PCSK5: variants seen among roughly 807,000 people sequenced by gnomAD.
PCSK5 encodes the protein prohormone convertase 5.
A neutral mutation model predicts 233.2 loss-of-function variants in PCSK5; 129 were observed. The ratio of observed to expected loss-of-function variants is 0.55; its 90% CI spans 0.48 to 0.64. PCSK5 has a LOEUF of 0.64. PCSK5 is among the 30% of genes least tolerant of loss of function. The pLI, the probability that PCSK5 is intolerant of heterozygous loss-of-function variation, is 0.00. For missense variants in PCSK5, 2,076 were observed against 2,430.1 expected, an observed-to-expected ratio of 0.85 and a Z score of 3.06; for synonymous variants, 825 against 879.2, an observed-to-expected ratio of 0.94 and a Z score of 1.09.
chr9:76,202,561 C>T (rs1303478286), intron 20 of PCSK5, among the ~76,000 whole-genome samples: 1 of 152,214 alleles, frequency 6.6e-6, no homozygotes. Context: ...TTCTCTTCTT[C>T]CCCAAGTATT....
In PCSK5 at chr9:76,107,285, A is replaced by G. The variant is rs759017812; in HGVS notation, c.1142A>G (p.Asn381Ser). The G allele has an allele frequency of 4.3e-6, 7 of 1,613,832 alleles. No individual in the cohort carries two copies. In the South Asian group the frequency reaches 5.5e-5, roughly 13 times the overall value. ...GATCTGAGGCAGCGTTGCACGGACA[A>G]CCACACTGGGACGTCAGCCTCAGCC... Reference protein sequence around the residue: ...TTDLRQRCTDNHTGTSASAPM... With the variant: ...TTDLRQRCTDSHTGTSASAPM... Residue 381 changes from asparagine to serine, a missense_variant, in exon 9 of 38, where the codon AAC becomes AGC. Coordinates refer to ENST00000674117, the MANE Select transcript of PCSK5 (RefSeq NM_001372043.1).
intron 20 of PCSK5, among the ~76,000 whole-genome samples, chr9:76,207,394 G>A (rs930414958): frequency 4.6e-5 from 7 of 152,118 alleles, no homozygotes; most frequent in African/African-American, 1.4e-4. Context: ...ATTACCATGT[G>A]GTACACACTA....
At chr9:76,238,733 A>G (rs1379221771) in intron 22 of PCSK5, among the ~76,000 whole-genome samples, 1 of 152,220 alleles carries the variant, frequency 6.6e-6, no homozygotes, top group Non-Finnish European at 1.5e-5. Context: ...GTCGCTGTTC[A>G]CTGAAATATA....
At chr9:76,179,140 GTATTCAGTAGC>G (rs1437889608) in intron 14 of PCSK5, among the ~76,000 whole-genome samples, 1 of 152,150 alleles carries the variant, frequency 6.6e-6, no homozygotes, top group Non-Finnish European at 1.5e-5. Flanking sequence ...TATTTCAGAG[GTATTCAGTAGC>G]TTTAATGAGA....
chr9:76,282,576 C>T (rs1409077422), intron 24 of PCSK5, among the ~76,000 whole-genome samples: 3 of 152,034 alleles, frequency 2.0e-5, no homozygotes, highest in African/African-American at 7.3e-5. Flanking sequence ...TCTCAGCCTC[C>T]CAAAGTGTTG....
chr9:76,024,067 C>CT (rs1828316041), intron 4 of PCSK5, among the ~76,000 whole-genome samples, 186 bp downstream of exon 4: 3 of 152,204 alleles, frequency 2.0e-5, no homozygotes, highest in African/African-American at 7.2e-5. Context: ...ACCCTTTCAA[C>CT]TTTCCAGTGC....
intron 24 of PCSK5, among the ~76,000 whole-genome samples, chr9:76,246,361 A>C (rs1350564914): frequency 6.7e-6 from 1 of 150,156 alleles, no homozygotes; most frequent in Non-Finnish European, 1.5e-5. Flanking sequence ...AAAAAAAAAA[A>C]AAAAAACTAC....
At chr9:76,012,302 C>T (rs115862246) in intron 3 of PCSK5, among the ~76,000 whole-genome samples, 3 of 152,122 alleles carry the variant, frequency 2.0e-5, no homozygotes, top group Admixed American at 1.3e-4. Context: ...ATAACTAAAT[C>T]GTACACATCA....
intron 1 of PCSK5, among the ~76,000 whole-genome samples, chr9:75,923,974 G>C (rs1175787347): frequency 1.3e-5 from 2 of 151,930 alleles, no homozygotes; most frequent in Non-Finnish European, 2.9e-5. Flanking sequence ...TCTAATTGCT[G>C]CTTCCTCTTT....
intron 2 of PCSK5, among the ~76,000 whole-genome samples, chr9:75,962,143 T>C (rs910568406): frequency 5.3e-5 from 8 of 152,132 alleles, no homozygotes; most frequent in Non-Finnish European, 1.2e-4. Flanking sequence ...GGGGGCCACG[T>C]TGAGAGAGTG....
intron 3 of PCSK5, among the ~76,000 whole-genome samples, chr9:75,993,343 G>A (rs1466316617): frequency 6.6e-6 from 1 of 152,090 alleles, no homozygotes; most frequent in Non-Finnish European, 1.5e-5. Flanking sequence ...GTGACCTCTA[G>A]AAAGGTATTT....
chr9:76,065,657 T>C (rs1401692960), intron 5 of PCSK5, among the ~76,000 whole-genome samples: 1 of 152,252 alleles, frequency 6.6e-6, no homozygotes, highest in Non-Finnish European at 1.5e-5. Flanking sequence ...TTTAGCTTTA[T>C]ATAATTGCAT....
intron 2 of PCSK5, among the ~76,000 whole-genome samples, chr9:75,945,245 A>G (rs1824511578): frequency 6.6e-6 from 1 of 152,022 alleles, no homozygotes; most frequent in Admixed American, 6.6e-5. Context: ...TTACATTTCT[A>G]CCTATTACCA....
At chr9:76,253,101 C>A (rs2131347577) in intron 24 of PCSK5, among the ~76,000 whole-genome samples, 1 of 152,288 alleles carries the variant, frequency 6.6e-6, no homozygotes, top group Non-Finnish European at 1.5e-5. Flanking sequence ...AAAACCGCTG[C>A]TCAGCATTCA....
intron 16 of PCSK5, among the ~76,000 whole-genome samples, chr9:76,183,933 T>G (rs1823985027): frequency 6.6e-6 from 1 of 152,176 alleles, no homozygotes; most frequent in South Asian, 2.1e-4. Context: ...AATATTTTCC[T>G]CCACAGAACA....
At chr9:76,246,341 CAAAAAAAAAAA>C (rs59806704) in intron 24 of PCSK5, among the ~76,000 whole-genome samples, 3 of 52,622 alleles carry the variant, frequency 5.7e-5, no homozygotes, top group African/African-American at 1.6e-4. Context: ...GATTCCATCT[CAAAAAAAAAAA>C]AAAAAAAAAA....
chr9:76,294,366 AT>A (rs759236926), intron 25 of PCSK5, among the ~76,000 whole-genome samples: 20 of 152,350 alleles, frequency 1.3e-4, no homozygotes, highest in Non-Finnish European at 2.8e-4. Flanking sequence ...TAGAATGAGA[AT>A]AACAGATAAC....
At chr9:76,064,516 C>T (rs1587576151) in intron 5 of PCSK5, among the ~76,000 whole-genome samples, 1 of 150,304 alleles carries the variant, frequency 6.7e-6, no homozygotes, top group South Asian at 2.1e-4. Flanking sequence ...GCTGAACCCC[C>T]CCAACCTCCC....
intron 7 of PCSK5, among the ~76,000 whole-genome samples, chr9:76,089,035 A>G (rs150296234): frequency 6.1e-4 from 93 of 151,544 alleles, no homozygotes; most frequent in African/African-American, 2.1e-3. Flanking sequence ...CGGAAATGCT[A>G]GTCAGAATGT....
Sources: allele counts gnomAD v4.1 joint callset (sites outside exome capture counted in the v4.1 genomes callset), GRCh38; gene constraint gnomAD v4.1.1; transcripts MANE v1.5; gene names NCBI Gene and HGNC (gene_info 2026-07-23, HGNC 2026-07-21).